The following ITPR1 variants were observed in gnomAD, a reference collection of about 807,000 sequenced individuals.
The protein encoded by ITPR1 is inositol 1,4,5-trisphosphate-gated calcium channel ITPR1.
Under a neutral mutation model 318.4 loss-of-function variants are expected in ITPR1, and 96 were observed. The observed-to-expected ratio is 0.30, with a 90% CI of 0.26 to 0.36. The LOEUF is 0.36. ITPR1 is among the 10% of genes least tolerant of loss of function. The probability of loss-of-function intolerance (pLI) is 1.00; values close to 1 mark genes in which losing one functional copy is unlikely to be tolerated. For synonymous variants in ITPR1, 1,312 were observed against 1,289.9 expected, an observed-to-expected ratio of 1.02 and a Z score of -0.37; for missense variants, 2,440 against 3,460.2, an observed-to-expected ratio of 0.71 and a Z score of 7.40.
intron 4 of ITPR1, among the ~76,000 whole-genome samples, chr3:4,529,364 T>G (rs963171955): frequency 7.2e-5 from 11 of 152,236 alleles, no homozygotes; most frequent in African/African-American, 2.7e-4. Context: ...GAAATTGATT[T>G]GGAAATCTCA....
Position 4,768,376 on chromosome 3 carries a change from C to A in ITPR1, c.5726-135C>A, listed in dbSNP as rs569194492. ...TCTGAGGACTGAGAGCAGATTGTGA[C>A]TTCTTTGAGTGTTTTGCCAACTTTG... On this transcript the variant is annotated intron_variant, in intron 45 of 61. Coordinates refer to ENST00000649015, the MANE Select transcript of ITPR1 (RefSeq NM_001378452.1). 1.4e-4 allele frequency: 144 copies of A among 1,032,332 alleles called. 1 individual carries two copies. The African/African-American group carries it at 2.2e-3, about 16-fold the overall frequency. 63.9% of individuals were successfully genotyped at this position (1,032,332 alleles called of 1,614,324 possible). A position where few individuals can be genotyped will look rare whatever the true frequency, so the allele number is the denominator to read the frequency against.
At chr3:4,788,700 G>A (rs560940581) in intron 52 of ITPR1, among the ~76,000 whole-genome samples, 9 of 152,340 alleles carry the variant, frequency 5.9e-5, no homozygotes, top group South Asian at 4.1e-4. Context: ...AAACACATTC[G>A]TAGGGCTTCC....
intron 24 of ITPR1, among the ~76,000 whole-genome samples, chr3:4,680,256 T>C (rs1464224247): frequency 6.6e-6 from 1 of 152,226 alleles, no homozygotes; most frequent in Non-Finnish European, 1.5e-5. Context: ...TCTTGTTTTA[T>C]AGACTCCATT....
intron 56 of ITPR1, 48 bp from the exon 57 acceptor site, chr3:4,813,094 C>A: frequency 7.2e-7 from 1 of 1,396,534 alleles, no homozygotes; most frequent in Non-Finnish European, 1.0e-6. Flanking sequence ...AACATTTTAA[C>A]CATATGCTGC....
At chr3:4,778,198 G>A (rs1046698887) in intron 48 of ITPR1, among the ~76,000 whole-genome samples, 45 of 152,184 alleles carry the variant, frequency 3.0e-4, no homozygotes, top group African/African-American at 1.0e-3. Flanking sequence ...GGTTCTCTGA[G>A]AATCCCATGA....
At chr3:4,544,347 A>G (rs1284408990) in intron 4 of ITPR1, among the ~76,000 whole-genome samples, 1 of 152,244 alleles carries the variant, frequency 6.6e-6, no homozygotes, top group Non-Finnish European at 1.5e-5. Context: ...TTTTGTCGAC[A>G]GTACAGGTAA....
In ITPR1 at chr3:4,787,963, G is replaced by A. The variant is rs781761068; in HGVS notation, c.6632G>A (p.Arg2211Gln). 2 of 1,610,296 alleles carry A rather than the reference G, an allele frequency of 1.2e-6. No individual in the cohort carries two copies. The highest frequency in any genetic ancestry group is 1.7e-6 in the Non-Finnish European group (2 of 1,177,772). Residue 2211 changes from arginine (R) to glutamine (Q), a missense_variant, in exon 52 of 62, where the codon CGA becomes CAA. By Grantham distance (43) the Arg-to-Gln change is conservative. Transcript: ENST00000649015. ...TCATCCTAGATTGTCAGATTAGACC[G>A]AACAATGGAACAGATAGTCTTTCCC... ...TAQIEIVRLDRTMEQIVFPVP... is the reference protein window; with the variant it reads ...TAQIEIVRLDQTMEQIVFPVP...
At chr3:4,520,138 T>C (rs1275740397) in intron 3 of ITPR1, among the ~76,000 whole-genome samples, 1 of 152,202 alleles carries the variant, frequency 6.6e-6, no homozygotes, top group Non-Finnish European at 1.5e-5. Flanking sequence ...TGGGAACAAC[T>C]GCAAGTTCTG....
chr3:4,706,134 T>C, intron 36 of ITPR1, 33 bp from the exon 37 acceptor site: 3 of 1,613,328 alleles, frequency 1.9e-6, no homozygotes, highest in Non-Finnish European at 2.5e-6. Context: ...CCATAAAAGT[T>C]GTAGGCTCAC....
At chr3:4,638,099 C>G (rs947714711) in intron 5 of ITPR1, among the ~76,000 whole-genome samples, 1 of 152,018 alleles carries the variant, frequency 6.6e-6, no homozygotes, top group Non-Finnish European at 1.5e-5. Context: ...GGTAGGTAGG[C>G]GACCCAAGAC....
chr3:4,718,424 C>T (rs1437799780), intron 40 of ITPR1, among the ~76,000 whole-genome samples: 1 of 152,200 alleles, frequency 6.6e-6, no homozygotes, highest in African/African-American at 2.4e-5. Flanking sequence ...AATTAATACA[C>T]CGTAATTTCA....
intron 5 of ITPR1, among the ~76,000 whole-genome samples, chr3:4,631,159 T>C (rs1248016687): frequency 2.0e-5 from 3 of 152,238 alleles, no homozygotes. Context: ...ACTTGAGCTC[T>C]CAGCTCTTTG....
chr3:4,595,285 T>C (rs1193067561), intron 4 of ITPR1, among the ~76,000 whole-genome samples: 1 of 152,158 alleles, frequency 6.6e-6, no homozygotes, highest in African/African-American at 2.4e-5. Flanking sequence ...AACTTTGTCA[T>C]GGTGGAAGGC....
chr3:4,698,622 T>C (rs1365137444), intron 34 of ITPR1, among the ~76,000 whole-genome samples: 1 of 152,222 alleles, frequency 6.6e-6, no homozygotes, highest in Non-Finnish European at 1.5e-5. Flanking sequence ...AATAAAACTT[T>C]ATTTATAAAG....
At chr3:4,598,152 C>A (rs963241399) in intron 4 of ITPR1, among the ~76,000 whole-genome samples, 5 of 152,142 alleles carry the variant, frequency 3.3e-5, no homozygotes, top group African/African-American at 9.7e-5. Context: ...AAATTTGTAC[C>A]ATCCTTCCCC....
chr3:4,630,877 G>A (rs367614853), intron 5 of ITPR1, among the ~76,000 whole-genome samples: 14 of 152,172 alleles, frequency 9.2e-5, no homozygotes, highest in African/African-American at 1.9e-4. Flanking sequence ...GTGAGCCACC[G>A]TGCTCAGCCC....
intron 2 of ITPR1, among the ~76,000 whole-genome samples, chr3:4,496,099 T>G (rs547153761): frequency 6.6e-6 from 1 of 152,318 alleles, no homozygotes; most frequent in African/African-American, 2.4e-5. Context: ...AAGTTAAGCA[T>G]TAGGCTCACC....
intron 30 of ITPR1, among the ~76,000 whole-genome samples, chr3:4,685,492 C>A (rs1411444010): frequency 1.3e-5 from 2 of 152,206 alleles, no homozygotes; most frequent in Admixed American, 6.5e-5. Flanking sequence ...TGGTCTGTGT[C>A]AGAGCTTAGA....
At chr3:4,617,664 A>G (rs779772918) in intron 4 of ITPR1, among the ~76,000 whole-genome samples, 7 of 152,166 alleles carry the variant, frequency 4.6e-5, no homozygotes, top group Non-Finnish European at 7.4e-5. Flanking sequence ...CTGAACACCA[A>G]TTGAGTACCA....
Sources: gnomAD v4.1 joint callset for allele counts (sites outside exome capture counted in the v4.1 genomes callset) on GRCh38, gnomAD v4.1.1 for gene constraint, MANE v1.5 for transcripts, NCBI Gene and HGNC (gene_info 2026-07-23, HGNC 2026-07-21) for gene names.